Variants in ECE1 observed in about 807,000 individuals in gnomAD.
ECE1 encodes endothelin-converting enzyme 1.
In ECE1, 35 loss-of-function variants were observed where a neutral mutation model predicts 98.6. The observed-to-expected ratio is 0.35, with a 90% CI of 0.27 to 0.47. The LOEUF is 0.47. ECE1 is among the 20% of genes least tolerant of loss of function. The pLI, the probability that ECE1 is intolerant of heterozygous loss-of-function variation, is 1.00. For missense variants in ECE1, 814 were observed against 1,025.3 expected (o/e 0.79, Z 2.81); for synonymous variants, 394 against 407.1 (o/e 0.97, Z 0.39).
chr1:21,289,613 G>A (rs1386737029), intron 2 of ECE1, among the ~76,000 whole-genome samples: 1 of 152,200 alleles, frequency 6.6e-6, no homozygotes, highest in Non-Finnish European at 1.5e-5. Flanking sequence ...CCCGGATAAG[G>A]TGACCAACTT....
rs1469156740 is a variant in ECE1, at chr1:21,219,020, G to A, written c.*935C>T. 6.6e-6 allele frequency: 1 copy of A among 152,358 alleles called. No individual in the cohort carries two copies. The highest frequency in any genetic ancestry group is 1.5e-5 in the Non-Finnish European group (1 of 68,146). The allele number at this position is 152,358 out of a possible 1,614,324, so 9.4% of individuals were successfully genotyped here. A position where few individuals can be genotyped will look rare whatever the true frequency, so the allele number is the denominator to read the frequency against. On this transcript the variant is annotated 3_prime_UTR_variant, in exon 19 of 19. Transcript: ENST00000374893. The surrounding 1 kb of genome is among the most constrained non-coding windows in gnomAD (Gnocchi z 4.5). ...GACATGGGACAGCCCGAAAAGGTGG[G>A]ACTGAGAGGGGACACTTGTGGCCAG...
At chr1:21,313,907 C>T (rs1323485053) in intron 1 of ECE1, among the ~76,000 whole-genome samples, 2 of 152,036 alleles carry the variant, frequency 1.3e-5, no homozygotes, top group South Asian at 2.1e-4. Context: ...AGAACGGGTA[C>T]GAGCAGCTGG....
At chr1:21,283,033 C>A (rs574316906) in intron 2 of ECE1, among the ~76,000 whole-genome samples, 1 of 150,834 alleles carries the variant, frequency 6.6e-6, no homozygotes, top group African/African-American at 2.4e-5. Flanking sequence ...CCTTGGCCTC[C>A]CGGGTTCAAG....
intron 10 of ECE1, among the ~76,000 whole-genome samples, chr1:21,243,413 AAAAC>A (rs1357412222): frequency 2.0e-5 from 3 of 151,654 alleles, no homozygotes; most frequent in African/African-American, 7.3e-5. Context: ...AAAAAAAAAA[AAAAC>A]AGAGACAGGA....
chr1:21,298,798 C>T, intron 1 of ECE1: 1 of 456,338 alleles, frequency 2.2e-6, no homozygotes, highest in Non-Finnish European at 4.4e-6. Flanking sequence ...CCACCTCCTT[C>T]TAACCCACCC....
chr1:21,274,037 G>GA (rs2098243653), intron 3 of ECE1, among the ~76,000 whole-genome samples: 2 of 152,374 alleles, frequency 1.3e-5, no homozygotes, highest in South Asian at 2.1e-4. Flanking sequence ...AGGCTGTGCT[G>GA]ATGACCAAAG....
chr1:21,267,052 T>A (rs1359877913), intron 4 of ECE1: 1 of 152,224 alleles, frequency 6.6e-6, no homozygotes, highest in Admixed American at 6.5e-5. Flanking sequence ...GCTCTATGAA[T>A]GGATTAGTGT....
At chr1:21,329,935 G>A (rs1220825595) in intron 1 of ECE1, among the ~76,000 whole-genome samples, 2 of 152,122 alleles carry the variant, frequency 1.3e-5, no homozygotes, top group Non-Finnish European at 2.9e-5. Context: ...GCCTTGTAGG[G>A]CAGCAGGGCC....
In ECE1 at chr1:21,217,456, G is replaced by A. The variant is rs536292497; in HGVS notation, c.*2499C>T. The A allele has an allele frequency of 5.9e-5, 9 of 152,372 alleles. No individual in the cohort carries two copies. Among genetic ancestry groups the A allele is most frequent in the Admixed American group, 4.6e-4 (7 of 15,296 alleles). The allele number at this position is 152,372 out of a possible 1,614,324, so 9.4% of individuals were successfully genotyped here. A position where few individuals can be genotyped will look rare whatever the true frequency, so the allele number is the denominator to read the frequency against. On this transcript the variant is annotated 3_prime_UTR_variant, in exon 19 of 19. Transcript: ENST00000374893. ...TGGAGCGGGTAGTGGCAGTGGCAGG[G>A]GCTTCCACCCCTGCTGGGCCTGAGC...
chr1:21,225,493 C>A lies in ECE1; in HGVS notation c.1850-53G>T. 3 of 1,584,500 alleles carry A rather than the reference C, an allele frequency of 1.9e-6. No individual in the cohort carries two copies. Among genetic ancestry groups the A allele is most frequent in the Non-Finnish European group, 2.6e-6 (3 of 1,161,816 alleles). On this transcript the variant is annotated intron_variant, in intron 16 of 18. Coordinates refer to ENST00000374893, the MANE Select transcript of ECE1 (RefSeq NM_001397.3). The surrounding 1 kb of genome is among the most constrained non-coding windows in gnomAD (Gnocchi z 5.3). ...AAGGGAGGGAGGGGCACAGCAGGGA[C>A]CTGCTGCTCCTCCCTGCTCCTGGTG...
chr1:21,332,804 G>A (rs576500035), intron 1 of ECE1, among the ~76,000 whole-genome samples: 6 of 126,392 alleles, frequency 4.7e-5, no homozygotes, highest in African/African-American at 1.2e-4. Context: ...TCAGTCAGGC[G>A]AGGAGTTAGA....
chr1:21,311,304 C>T (rs1477173572), intron 1 of ECE1, among the ~76,000 whole-genome samples: 1 of 152,068 alleles, frequency 6.6e-6, no homozygotes, highest in Non-Finnish European at 1.5e-5. Flanking sequence ...GTGCCCTCCT[C>T]TGTCCACCCA....
intron 2 of ECE1, among the ~76,000 whole-genome samples, chr1:21,281,186 T>C (rs2098254064): frequency 6.8e-6 from 1 of 147,936 alleles, no homozygotes; most frequent in Non-Finnish European, 1.5e-5. Context: ...CAAGACTCCG[T>C]CTCGGAAAAC....
intron 12 of ECE1, 78 bp downstream of exon 12, chr1:21,236,667 AC>A: frequency 7.3e-7 from 1 of 1,369,208 alleles, no homozygotes; most frequent in Non-Finnish European, 1.0e-6. Flanking sequence ...AAACAAAAAA[AC>A]CGGCCTCTCC....
At chr1:21,232,102 G>A (rs2098182481) in intron 14 of ECE1, among the ~76,000 whole-genome samples, 1 of 152,172 alleles carries the variant, frequency 6.6e-6, no homozygotes, top group Non-Finnish European at 1.5e-5. Context: ...GTCCTGGTTG[G>A]AGGCTGGAAA....
intron 14 of ECE1, among the ~76,000 whole-genome samples, chr1:21,231,889 C>G (rs1405773397): frequency 6.6e-6 from 1 of 152,262 alleles, no homozygotes; most frequent in African/African-American, 2.4e-5. Context: ...GTTCGAATTA[C>G]AGGCGTGGGC....
At chr1:21,331,276 C>T (rs213041) in intron 1 of ECE1, among the ~76,000 whole-genome samples, 31,306 of 151,788 alleles carry the variant, frequency 0.21, 5,105 homozygotes, top group African/African-American at 0.44. Context: ...GGTGGTGCAG[C>T]GCCTGTAGTC....
In ECE1 at chr1:21,227,915, C is replaced by T. The variant is rs767795300; in HGVS notation, c.1781+16G>A. The T allele has an allele frequency of 1.0e-5, 16 of 1,549,100 alleles. No individual in the cohort carries two copies. In the South Asian group the frequency reaches 1.4e-4, roughly 14 times the overall value. ...GGGGGAAAAGAATTGGGGTAGGGGC[C>T]CCAGAGGCAGCCTACTTGGGTGAGG... On this transcript the variant is annotated intron_variant, in intron 15 of 18. Transcript: ENST00000374893.
intron 14 of ECE1, among the ~76,000 whole-genome samples, chr1:21,230,607 T>C (rs1428403032): frequency 6.6e-6 from 1 of 152,096 alleles, no homozygotes; most frequent in African/African-American, 2.4e-5. Flanking sequence ...ATGCTTGTCT[T>C]GAACTCCTGA....
Sources: gnomAD v4.1 joint callset for allele counts (sites outside exome capture counted in the v4.1 genomes callset) on GRCh38, gnomAD v4.1.1 for gene constraint, Gnocchi (gnomAD v3.1) non-coding constraint, MANE v1.5 for transcripts, NCBI Gene and HGNC (gene_info 2026-07-23, HGNC 2026-07-21) for gene names.